Variants in NRDC observed in about 807,000 individuals in gnomAD.
NRDC encodes the protein nardilysin.
A neutral mutation model predicts 147.1 loss-of-function variants in NRDC; 54 were observed. The observed-to-expected ratio is 0.37, with a 90% CI of 0.29 to 0.46. NRDC has a LOEUF of 0.46. NRDC is among the 20% of genes least tolerant of loss of function. The pLI is 1.00. For missense variants in NRDC, 1,082 were observed against 1,370.6 expected, an observed-to-expected ratio of 0.79 and a Z score of 3.33; for synonymous variants, 440 against 482.1, an observed-to-expected ratio of 0.91 and a Z score of 1.14.
intron 24 of NRDC, among the ~76,000 whole-genome samples, chr1:51,792,805 AGAG>A (rs1678716020): frequency 6.6e-6 from 1 of 150,492 alleles, no homozygotes; most frequent in Non-Finnish European, 1.5e-5. Flanking sequence ...CTATTCCTCA[AGAG>A]GAGAGAAAAT....
intron 1 of NRDC, among the ~76,000 whole-genome samples, chr1:51,847,438 C>T (rs538643127): frequency 6.6e-6 from 1 of 152,216 alleles, no homozygotes; most frequent in East Asian, 1.9e-4. Context: ...GGGCGGCGCT[C>T]GTTGGGGAGG....
intron 21 of NRDC, chr1:51,799,100 A>G (rs1679065901): frequency 6.6e-6 from 1 of 152,224 alleles, no homozygotes; most frequent in African/African-American, 2.4e-5. Flanking sequence ...ATAAAATAGA[A>G]GGTTGTGTTT....
chr1:51,857,071 G>A (rs1228011669), intron 1 of NRDC, among the ~76,000 whole-genome samples: 1 of 152,184 alleles, frequency 6.6e-6, no homozygotes, highest in African/African-American at 2.4e-5. Context: ...AACAGTGGAT[G>A]AAAACCAATA....
At chr1:51,852,967 T>C (rs1439104952) in intron 1 of NRDC, among the ~76,000 whole-genome samples, 1 of 152,106 alleles carries the variant, frequency 6.6e-6, no homozygotes, top group Non-Finnish European at 1.5e-5. Flanking sequence ...CTCATGCCTA[T>C]AATCCCAGCA....
rs1214012013 is a variant in NRDC at position 51,792,113 on chromosome 1, A to G, written c.2824-15T>C. On this transcript the variant is annotated splice_polypyrimidine_tract_variant and intron_variant, in intron 25 of 30. Coordinates refer to ENST00000352171, the MANE Select transcript of NRDC (RefSeq NM_001101662.2). ...TCCATGTGCATCTGTAATTCAACAT[A>G]CTGCCCATCAGCCCAACTCCTCCCA... 1.2e-6 allele frequency: 2 copies of G among 1,613,626 alleles called. No individual in the cohort carries two copies. The highest frequency in any genetic ancestry group is 2.2e-5 in the East Asian group (1 of 44,864).
intron 1 of NRDC, among the ~76,000 whole-genome samples, chr1:51,856,250 C>T (rs1327236396): frequency 6.6e-6 from 1 of 152,146 alleles, no homozygotes; most frequent in African/African-American, 2.4e-5. Flanking sequence ...GGTCAGCAAC[C>T]AAAGTCTTCT....
chr1:51,869,009 G>C (rs1396252724), intron 1 of NRDC, among the ~76,000 whole-genome samples: 2 of 152,126 alleles, frequency 1.3e-5, no homozygotes, highest in Non-Finnish European at 2.9e-5. Context: ...GTGTGATCAT[G>C]GCTCACTACA....
In NRDC at chr1:51,803,843, G is replaced by A. The variant is rs1679326384; in HGVS notation, c.2284C>T (p.Arg762Ter). The change falls in exon 20 of 31, where the codon CGA (arginine) becomes TGA (stop). Residue 762 changes from arginine (R) to a stop codon, truncating the protein, a stop_gained. Coordinates refer to ENST00000352171, the MANE Select transcript of NRDC (RefSeq NM_001101662.2). LOFTEE classifies it high-confidence loss of function. ...LVAGEHGLII[R>*]VKGFNHKLPL... ...AGTTTGTGGTTAAATCCTTTCACTC[G>A]AATAATTAAACCATGTTCTCCAGCT... is the stretch of plus-strand genomic sequence containing the variant. 2 of 1,613,286 alleles carry A rather than the reference G, an allele frequency of 1.2e-6. No individual in the cohort carries two copies. Among genetic ancestry groups the A allele is most frequent in the Non-Finnish European group, 8.5e-7 (1 of 1,179,610 alleles).
intron 1 of NRDC, among the ~76,000 whole-genome samples, chr1:51,872,663 C>A (rs1463870479): frequency 2.0e-5 from 3 of 152,174 alleles, no homozygotes; most frequent in African/African-American, 7.2e-5. Context: ...GAGATCACAC[C>A]ACTGCACTCC....
chr1:51,817,762 A>C (rs1355182872), intron 10 of NRDC, among the ~76,000 whole-genome samples: 2 of 152,184 alleles, frequency 1.3e-5, no homozygotes, highest in Admixed American at 1.3e-4. Flanking sequence ...CCAGTCTGCC[A>C]GGCCCAAATT....
At chr1:51,877,430 A>G (rs1482861029) in intron 1 of NRDC, among the ~76,000 whole-genome samples, 1 of 152,148 alleles carries the variant, frequency 6.6e-6, no homozygotes, top group Non-Finnish European at 1.5e-5. Flanking sequence ...GGAGGCCAAG[A>G]CAGGAGGATT....
chr1:51,852,266 T>G (rs1026012287), intron 1 of NRDC, among the ~76,000 whole-genome samples: 3 of 146,724 alleles, frequency 2.0e-5, no homozygotes, highest in African/African-American at 8.2e-5. Context: ...CTTCTTAGTT[T>G]CATGGGGGAG....
At position 51,798,281 on chromosome 1, in the gene NRDC, C is replaced by A; in HGVS notation, c.2572G>T (p.Glu858Ter). ...GTGACATTCCCTTGTACCAGGCCCTCCACAAAGAGCTGGGATTTGAATTCT... is the reference window on the plus strand; with the variant it reads ...GTGACATTCCCTTGTACCAGGCCCTACACAAAGAGCTGGGATTTGAATTCT... The part of the protein sequence containing the change: ...VKEFKSQLFV[E>*]GLVQGNVTST... Residue 858 changes from glutamate (E) to a stop codon, truncating the protein, a stop_gained, in exon 22 of 31, where the codon GAG becomes TAG. Coordinates refer to ENST00000352171, the MANE Select transcript of NRDC (RefSeq NM_001101662.2). LOFTEE classifies it high-confidence loss of function. The A allele has an allele frequency of 6.2e-7, 1 of 1,614,136 alleles. No homozygotes were observed. The highest frequency in any genetic ancestry group is 8.5e-7 in the Non-Finnish European group (1 of 1,180,030).
intron 20 of NRDC, among the ~76,000 whole-genome samples, chr1:51,801,961 G>A (rs1679229017): frequency 6.6e-6 from 1 of 151,928 alleles, no homozygotes; most frequent in Non-Finnish European, 1.5e-5. Flanking sequence ...CAAATTTTTT[G>A]TATCTTTAGT....
intron 5 of NRDC, 147 bp downstream of exon 5, chr1:51,827,649 A>G (rs1225420074): frequency 1.7e-6 from 1 of 586,194 alleles, no homozygotes; most frequent in Non-Finnish European, 3.0e-6. Context: ...ATGTTTAATG[A>G]CTTCAGGAAC....
chr1:51,825,483 T>G, intron 5 of NRDC, 101 bp from the exon 6 acceptor site: 1 of 888,418 alleles, frequency 1.1e-6, no homozygotes, highest in Non-Finnish European at 1.7e-6. Context: ...ATTAACAAAA[T>G]TAACTTCATG....
intron 6 of NRDC, among the ~76,000 whole-genome samples, 166 bp downstream of exon 6, chr1:51,825,121 T>C (rs998615969): frequency 2.0e-5 from 3 of 152,236 alleles, no homozygotes; most frequent in African/African-American, 7.2e-5. Context: ...GAGAACCAAA[T>C]AGAGGCATAT....
intron 19 of NRDC, among the ~76,000 whole-genome samples, 180 bp from the exon 20 acceptor site, chr1:51,804,144 A>G (rs1470100080): frequency 6.6e-6 from 1 of 152,232 alleles, no homozygotes; most frequent in Non-Finnish European, 1.5e-5. Flanking sequence ...CAGAATTCCT[A>G]CCTTCAGCAG....
chr1:51,869,483 A>C (rs1050181064), intron 1 of NRDC, among the ~76,000 whole-genome samples: 60 of 152,350 alleles, frequency 3.9e-4, no homozygotes, highest in Middle Eastern at 3.4e-3. Flanking sequence ...ATATAACAGT[A>C]ATGTTTTTTC....
Sources: allele counts gnomAD v4.1 joint callset (sites outside exome capture counted in the v4.1 genomes callset), GRCh38; gene constraint gnomAD v4.1.1; transcripts MANE v1.5; gene names NCBI Gene and HGNC (gene_info 2026-07-23, HGNC 2026-07-21).